The following LCOR variants were observed in gnomAD, a reference collection of about 807,000 sequenced individuals.
LCOR encodes the protein ligand-dependent corepressor.
LCOR carries 14 observed loss-of-function variants against 64.4 expected under a neutral mutation model. That is an observed-to-expected ratio of 0.22 (90% CI 0.14 to 0.34). The LOEUF is 0.34. Among genes scored for constraint, LCOR ranks in the 10% least tolerant of loss-of-function variants. The pLI, the probability that LCOR is intolerant of heterozygous loss-of-function variation, is 1.00. For missense variants in LCOR, 1,686 were observed against 1,765.3 expected (o/e 0.96, Z 0.80); for synonymous variants, 643 against 642.5 (o/e 1.00, Z -0.01).
chr10:96,877,126 G>C (rs1430922399), intron 2 of LCOR, among the ~76,000 whole-genome samples: 2 of 152,174 alleles, frequency 1.3e-5, no homozygotes. Context: ...GGGCCATCTT[G>C]TGTGCTCTCA....
chr10:96,984,708 G>A lies in LCOR; in HGVS notation c.4248G>A (p.Thr1416=), dbSNP rs564076878. The change falls in exon 8 of 8, where the codon ACG becomes ACA. Residue 1416 remains threonine, a synonymous_variant. Transcript: ENST00000421806. ...CAGATAGTAAGAACAAGGGGCCTAC[G>A]GTGAAAGCCAGCAAAGAAAAGCATG... is the stretch of plus-strand genomic sequence containing the variant. ...SPPDSKNKGP[T]VKASKEKHAD... 106 of 1,613,862 alleles carry A rather than the reference G, an allele frequency of 6.6e-5. No homozygotes were observed. The highest frequency in any genetic ancestry group is 3.2e-4 in the Admixed American group (19 of 59,966).
intron 7 of LCOR, chr10:96,955,675 A>C: frequency 6.2e-7 from 1 of 1,614,194 alleles, no homozygotes; most frequent in Non-Finnish European, 8.5e-7. Flanking sequence ...TACAACAGTG[A>C]GATACTGGAG....
At chr10:96,854,104 G>T (rs1456915816) in intron 2 of LCOR, among the ~76,000 whole-genome samples, 4 of 152,096 alleles carry the variant, frequency 2.6e-5, no homozygotes, top group Non-Finnish European at 4.4e-5. Context: ...AATACGCAAA[G>T]AATTTGGAAA....
chr10:96,867,764 T>C (rs1460876105), intron 2 of LCOR, among the ~76,000 whole-genome samples: 2 of 152,120 alleles, frequency 1.3e-5, no homozygotes, highest in Non-Finnish European at 1.5e-5. Flanking sequence ...TTTAATCTAC[T>C]TAATATGTAA....
rs1848229252 is a variant in LCOR, at chr10:96,994,765, A to G, written c.*9631A>G. 1 of 152,202 alleles carries G rather than the reference A, an allele frequency of 6.6e-6. No individual in the cohort carries two copies. Among genetic ancestry groups the G allele is most frequent in the Non-Finnish European group, 1.5e-5 (1 of 68,048 alleles). The allele number at this position is 152,202 out of a possible 1,614,324, so 9.4% of individuals were successfully genotyped here. On this transcript the variant is annotated 3_prime_UTR_variant, in exon 8 of 8. Transcript: ENST00000421806. ...TCCCCAAGTCTTATTACCTTGTATG[A>G]AAAATCCCCATATTAGCCTCACTTA...
At chr10:96,841,322 T>G (rs2134364517) in intron 2 of LCOR, among the ~76,000 whole-genome samples, 1 of 152,048 alleles carries the variant, frequency 6.6e-6, no homozygotes, top group South Asian at 2.1e-4. Flanking sequence ...CCATCTTATA[T>G]ATCTGCATGA....
At chr10:96,858,728 T>A (rs1429357419) in intron 2 of LCOR, among the ~76,000 whole-genome samples, 3 of 152,296 alleles carry the variant, frequency 2.0e-5, no homozygotes, top group East Asian at 1.9e-4. Flanking sequence ...TTTGTTTTTT[T>A]AAAATAACTC....
At chr10:96,946,786 A>G (rs1425092245) in intron 5 of LCOR, among the ~76,000 whole-genome samples, 1 of 152,120 alleles carries the variant, frequency 6.6e-6, no homozygotes, top group Non-Finnish European at 1.5e-5. Flanking sequence ...GAGTGCTCAA[A>G]GATAGTGGTC....
rs964229880 is a variant in LCOR, at chr10:96,884,018, A to C, written c.-329-23247A>C. 4.0e-5 allele frequency among the ~76,000 whole-genome samples: 6 copies of C among 151,188 alleles called. No individual in the cohort carries two copies. In the East Asian group the frequency reaches 1.2e-3, roughly 29 times the overall value. ...TACATATACCATATAACATATTTCA[A>C]ATGTTTATACTGTTAAATATATAAT... On this transcript the variant is annotated intron_variant, in intron 2 of 7. Coordinates refer to ENST00000421806, the MANE Select transcript of LCOR (RefSeq NM_001346516.2).
chr10:96,952,279 A>G (rs903149830), intron 7 of LCOR, 83 bp downstream of exon 7: 180 of 895,800 alleles, frequency 2.0e-4, no homozygotes, highest in Middle Eastern at 1.1e-3. Context: ...TTTACATTTT[A>G]AAAAATAACC....
Position 96,988,362 on chromosome 10 carries a change from C to CAGCCT in LCOR, c.*3228_*3229insAGCCT, listed in dbSNP as rs1848167026. ...CCCTTGGATTCCTTGTTAAAGACTT[C>CAGCCT]TGTGCAGCCTTATCTAAAATGATAA... On this transcript the variant is annotated 3_prime_UTR_variant, in exon 8 of 8. Transcript: ENST00000421806. The CAGCCT allele has an allele frequency of 6.6e-6, 1 of 152,210 alleles. No homozygotes were observed. Among genetic ancestry groups the CAGCCT allele is most frequent in the African/African-American group, 2.4e-5 (1 of 41,456 alleles). 9.4% of individuals were successfully genotyped at this position (152,210 alleles called of 1,614,324 possible).
intron 2 of LCOR, among the ~76,000 whole-genome samples, chr10:96,863,645 C>T (rs1845925871): frequency 1.3e-5 from 2 of 152,162 alleles, no homozygotes. Context: ...CTGAGGTTGA[C>T]CTTTTTCAAG....
At chr10:96,909,810 G>T (rs1259429293) in intron 4 of LCOR, among the ~76,000 whole-genome samples, 1 of 152,140 alleles carries the variant, frequency 6.6e-6, no homozygotes, top group African/African-American at 2.4e-5. Context: ...AGAGAGACTA[G>T]AAAAGAAAGC....
chr10:96,964,596 G>A (rs1007752809), intron 7 of LCOR, among the ~76,000 whole-genome samples: 16 of 151,988 alleles, frequency 1.1e-4, no homozygotes, highest in Non-Finnish European at 5.9e-5. Flanking sequence ...TTTAGATAAA[G>A]TTGCTGCTGT....
intron 7 of LCOR, among the ~76,000 whole-genome samples, chr10:96,969,220 AT>A (rs1403669351): frequency 6.6e-6 from 1 of 152,224 alleles, no homozygotes; most frequent in Non-Finnish European, 1.5e-5. Context: ...AACTGTATTG[AT>A]TAGAACACTG....
At chr10:96,885,449 A>T (rs1846326711) in intron 2 of LCOR, among the ~76,000 whole-genome samples, 1 of 151,466 alleles carries the variant, frequency 6.6e-6, no homozygotes, top group Non-Finnish European at 1.5e-5. Context: ...TGGCATGATC[A>T]CGGCTCACTG....
At chr10:96,887,910 AAT>A (rs1311407965) in intron 2 of LCOR, among the ~76,000 whole-genome samples, 50 of 151,014 alleles carry the variant, frequency 3.3e-4, no homozygotes, top group African/African-American at 1.2e-3. Context: ...TGAACTCATG[AAT>A]CCAGGTGATC....
At chr10:96,939,740 G>T (rs909480019) in intron 4 of LCOR, among the ~76,000 whole-genome samples, 3 of 152,196 alleles carry the variant, frequency 2.0e-5, no homozygotes, top group African/African-American at 7.2e-5. Context: ...GAGGCGGGCG[G>T]ATCACAAGGT....
At position 96,983,067 on chromosome 10, in the gene LCOR, C is replaced by T; in HGVS notation, c.2607C>T (p.Gly869=). 1 of 1,613,836 alleles carries T rather than the reference C, an allele frequency of 6.2e-7. No homozygotes were observed. The highest frequency in any genetic ancestry group is 1.1e-5 in the South Asian group (1 of 91,074). The change falls in exon 8 of 8, where the codon GGC becomes GGT. Residue 869 remains glycine, a synonymous_variant. Transcript: ENST00000421806. The surrounding 1 kb of genome is among the most constrained non-coding windows in gnomAD (Gnocchi z 4.5). ...ACCCTGGTGGGACAACACCTAAGGGCCTTCTACCTGACAGTTTCCACACGG... is the reference window on the plus strand; with the variant it reads ...ACCCTGGTGGGACAACACCTAAGGGTCTTCTACCTGACAGTTTCCACACGG... ...EGHPGGTTPK[G]LLPDSFHTET...
Sources: allele counts gnomAD v4.1 joint callset (sites outside exome capture counted in the v4.1 genomes callset), GRCh38; gene constraint gnomAD v4.1.1; non-coding constraint Gnocchi (gnomAD v3.1); transcripts MANE v1.5; gene names NCBI Gene and HGNC (gene_info 2026-07-23, HGNC 2026-07-21).